The following ARHGEF7 variants were observed in gnomAD, a reference collection of about 807,000 sequenced individuals.
ARHGEF7 encodes PAK-interacting exchange factor beta.
In ARHGEF7, 33 loss-of-function variants were observed where a neutral mutation model predicts 109.8. That is an observed-to-expected ratio of 0.30 (90% CI 0.23 to 0.40). The LOEUF (loss-of-function observed/expected upper bound fraction) is 0.40. Ranked by LOEUF, ARHGEF7 falls within the 10% of genes least tolerant of loss-of-function variation. The pLI, the probability that ARHGEF7 is intolerant of heterozygous loss-of-function variation, is 1.00. For missense variants in ARHGEF7, 938 were observed against 1,098.5 expected (o/e 0.85, Z 2.07); for synonymous variants, 458 against 424.6 (o/e 1.08, Z -0.97).
rs1000241860 is a variant in ARHGEF7 at position 111,193,263 on chromosome 13, T to G, written c.253-12026T>G. On this transcript the variant is annotated intron_variant, in intron 2 of 21. Transcript: ENST00000646102. ...CCATTCTGTTTCAGTTGGGGAATAC[T>G]GGGGCTTAATCTCTTGGAGGGGGTT... Among the ~76,000 whole-genome samples the G allele has an allele frequency of 3.9e-5, 6 of 152,224 alleles. No homozygotes were observed. The East Asian group carries it at 1.2e-3, about 29-fold the overall frequency.
At chr13:111,218,028 A>C (rs1594820767) in intron 5 of ARHGEF7, 148 bp downstream of exon 5, 2 of 779,358 alleles carry the variant, frequency 2.6e-6, no homozygotes, top group Non-Finnish European at 3.8e-6. Context: ...ATGGATTTTC[A>C]CCTCAGCCCC....
intron 2 of ARHGEF7, among the ~76,000 whole-genome samples, chr13:111,167,680 AGG>A (rs1211711505): frequency 2.0e-5 from 3 of 152,242 alleles, no homozygotes; most frequent in Non-Finnish European, 4.4e-5. Context: ...GCACACGTAA[AGG>A]GAAATGTCCA....
At chr13:111,212,131 C>A (rs888236044) in intron 4 of ARHGEF7, among the ~76,000 whole-genome samples, 4 of 152,166 alleles carry the variant, frequency 2.6e-5, no homozygotes, top group African/African-American at 9.7e-5. Context: ...AAACCGTCAG[C>A]CCCCTGCCTC....
intron 16 of ARHGEF7, 110 bp downstream of exon 16, chr13:111,283,473 T>C: frequency 7.0e-7 from 1 of 1,438,480 alleles, no homozygotes; most frequent in Non-Finnish European, 9.2e-7. Context: ...CCCTAACTCC[T>C]AGAGAACTGA....
At chr13:111,284,809 T>G (rs1046344900) in intron 16 of ARHGEF7, among the ~76,000 whole-genome samples, 4 of 151,718 alleles carry the variant, frequency 2.6e-5, no homozygotes, top group African/African-American at 4.9e-5. Context: ...CAGCCCGCTC[T>G]GCCTGGCTCT....
chr13:111,155,805 G>A (rs576362094), intron 2 of ARHGEF7, among the ~76,000 whole-genome samples: 1 of 152,324 alleles, frequency 6.6e-6, no homozygotes, highest in Admixed American at 6.5e-5. Flanking sequence ...GCTGGGTGTG[G>A]TGGCTCACGC....
chr13:111,247,957 C>A (rs769343858), intron 8 of ARHGEF7, among the ~76,000 whole-genome samples: 10 of 152,136 alleles, frequency 6.6e-5, no homozygotes, highest in Non-Finnish European at 1.3e-4. Flanking sequence ...GTTCTGAGGC[C>A]CATGTTTGTT....
chr13:111,283,506 C>T (rs1025889365), intron 16 of ARHGEF7, 143 bp downstream of exon 16: 2 of 1,342,708 alleles, frequency 1.5e-6, no homozygotes, highest in African/African-American at 2.9e-5. Context: ...TGCCTTGGTT[C>T]TCTGGTTATC....
At chr13:111,140,379 T>A (rs1193901986) in intron 1 of ARHGEF7, among the ~76,000 whole-genome samples, 1 of 152,058 alleles carries the variant, frequency 6.6e-6, no homozygotes, top group African/African-American at 2.4e-5. Context: ...CCTAGGGCGG[T>A]GGTGCAGGTT....
chr13:111,293,473 A>G lies in ARHGEF7; in HGVS notation c.2311+1179A>G, dbSNP rs1416149928. ...AAAAAAACTCACCCGTTTTCCTGGG[A>G]TTTGTTGTAAGGAGTTTTCACTGGC... On this transcript the variant is annotated intron_variant, in intron 19 of 21. Coordinates refer to ENST00000646102, the MANE Select transcript of ARHGEF7 (RefSeq NM_001354046.2). 3 of 981,906 alleles carry G rather than the reference A, an allele frequency of 3.1e-6. No individual in the cohort carries two copies. The East Asian group carries it at 3.4e-4, about 113-fold the overall frequency. The allele number at this position is 981,906 out of a possible 1,614,324, so 60.8% of individuals were successfully genotyped here.
At chr13:111,249,026 TAG>T (rs2089353212) in intron 8 of ARHGEF7, among the ~76,000 whole-genome samples, 2 of 152,262 alleles carry the variant, frequency 1.3e-5, no homozygotes, top group African/African-American at 4.8e-5. Flanking sequence ...CCACTTATTT[TAG>T]ACTCAGCTGA....
chr13:111,206,100 A>AT lies in ARHGEF7; in HGVS notation c.337+736dup, dbSNP rs1008630543. 1.3e-4 allele frequency among the ~76,000 whole-genome samples: 19 copies of AT among 151,216 alleles called. 1 individual carries two copies. The highest frequency in any genetic ancestry group is 8.4e-4 in the South Asian group (4 of 4,776). On this transcript the variant is annotated intron_variant, in intron 3 of 21. Coordinates refer to ENST00000646102, the MANE Select transcript of ARHGEF7 (RefSeq NM_001354046.2). ...TTGCTTTTTTGGTCTTATTAGAGTA[A>AT]TTTTTTTTTCCTATTTACCTTCACG...
At chr13:111,156,080 C>CAAA (rs56803261) in intron 2 of ARHGEF7, among the ~76,000 whole-genome samples, 1 of 123,696 alleles carries the variant, frequency 8.1e-6, no homozygotes, top group African/African-American at 3.1e-5. Context: ...AAGACTCCCT[C>CAAA]AAAAAAAAAA....
At chr13:111,219,015 T>A (rs555793894) in intron 5 of ARHGEF7, among the ~76,000 whole-genome samples, 1 of 152,230 alleles carries the variant, frequency 6.6e-6, no homozygotes, top group Non-Finnish European at 1.5e-5. Flanking sequence ...ATTGTATGTA[T>A]ATGTATACAT....
intron 2 of ARHGEF7, among the ~76,000 whole-genome samples, chr13:111,199,669 A>G (rs775148118): frequency 1.3e-5 from 2 of 152,240 alleles, no homozygotes; most frequent in Non-Finnish European, 2.9e-5. Flanking sequence ...AATGAGGAAT[A>G]TGCTAAAATA....
rs1555341569 is a variant in ARHGEF7 at position 111,133,812 on chromosome 13, T to TATATATATATAA, written c.165+18123_165+18124insATATATATAAAT. On this transcript the variant is annotated intron_variant, in intron 1 of 21. Coordinates refer to ENST00000646102, the MANE Select transcript of ARHGEF7 (RefSeq NM_001354046.2). ...ATATATATATATATATATATATATA[T>TATATATATATAA]ATTTATTATACTTTAAGTTCTAGGT... Among the ~76,000 whole-genome samples, 66 of 62,542 alleles carry TATATATATATAA rather than the reference T, an allele frequency of 1.1e-3. 13 individuals are homozygous for TATATATATATAA. The highest frequency in any genetic ancestry group is 2.8e-3 in the East Asian group (4 of 1,434). The allele number at this position is 62,542 out of a possible 152,430, so 41.0% of individuals were successfully genotyped here.
chr13:111,284,560 T>C (rs951495305), intron 16 of ARHGEF7, among the ~76,000 whole-genome samples: 4 of 151,966 alleles, frequency 2.6e-5, no homozygotes, highest in African/African-American at 9.7e-5. Context: ...GGGAAGAAAA[T>C]TGGGATAAAA....
intron 5 of ARHGEF7, among the ~76,000 whole-genome samples, chr13:111,232,629 G>T (rs2086250238): frequency 6.6e-6 from 1 of 152,204 alleles, no homozygotes; most frequent in South Asian, 2.1e-4. Flanking sequence ...AGTCAGGACT[G>T]CTTTAATGGT....
intron 8 of ARHGEF7, among the ~76,000 whole-genome samples, chr13:111,248,307 C>T (rs1260544054): frequency 1.3e-5 from 2 of 151,988 alleles, no homozygotes; most frequent in African/African-American, 4.8e-5. Context: ...GATAGTTGTT[C>T]CCCGTCCGCT....
Sources: allele counts gnomAD v4.1 joint callset (sites outside exome capture counted in the v4.1 genomes callset), GRCh38; gene constraint gnomAD v4.1.1; transcripts MANE v1.5; gene names NCBI Gene and HGNC (gene_info 2026-07-23, HGNC 2026-07-21).